SIN3B: variants seen among roughly 807,000 people sequenced by gnomAD.
The protein encoded by SIN3B is paired amphipathic helix protein Sin3b.
Under a neutral mutation model 120.2 loss-of-function variants are expected in SIN3B, and 19 were observed. That is an observed-to-expected ratio of 0.16 (90% confidence interval 0.11 to 0.23). The LOEUF is 0.23. Ranked by LOEUF, SIN3B falls within the 10% of genes least tolerant of loss-of-function variation. The pLI is 1.00. For synonymous variants in SIN3B, 654 were observed against 653.2 expected, an observed-to-expected ratio of 1.00 and a Z score of -0.02; for missense variants, 1,073 against 1,573.0, an observed-to-expected ratio of 0.68 and a Z score of 5.38.
At chr19:16,863,843 C>T (rs1433054966) in intron 10 of SIN3B, 47 bp downstream of exon 10, 2 of 1,356,574 alleles carry the variant, frequency 1.5e-6, no homozygotes, top group East Asian at 2.3e-5. Context: ...GCCTGTTCCC[C>T]TTCTCCATGG....
chr19:16,869,665 A>C lies in SIN3B; in HGVS notation c.2012A>C (p.Gln671Pro). ...GTGCCCAGCCTCTTCTTCTCTCAGC[A>C]GCTGGACCTGGGCGCCTCCGAGGAG... ...QFVPSLFFSQ[Q>P]LDLGASEESA... Residue 671 changes from glutamine (Q) to proline (P), a missense_variant, in exon 13 of 19, where the codon CAG becomes CCG. Physicochemically the swap from Gln to Pro is moderately conservative, Grantham distance 76. Around this residue, in one of 7 missense-constraint regions of SIN3B, gnomAD observed 169 missense variants for 207.3 expected, o/e 0.82. Transcript: ENST00000248054. The C allele has an allele frequency of 6.2e-7, 1 of 1,613,620 alleles. No individual in the cohort carries two copies. The highest frequency in any genetic ancestry group is 8.5e-7 in the Non-Finnish European group (1 of 1,180,012).
At chr19:16,837,249 T>C (rs1463156737) in intron 3 of SIN3B, among the ~76,000 whole-genome samples, 1 of 151,678 alleles carries the variant, frequency 6.6e-6, no homozygotes, top group East Asian at 2.0e-4. Context: ...TGAGAACCAC[T>C]GGATGGTTCT....
At chr19:16,848,313 T>C (rs1971503667) in intron 5 of SIN3B, among the ~76,000 whole-genome samples, 1 of 152,186 alleles carries the variant, frequency 6.6e-6, no homozygotes, top group African/African-American at 2.4e-5. Context: ...TTTTGACTTT[T>C]TGAAGAGCCT....
At chr19:16,838,708 G>C (rs1971378908) in intron 3 of SIN3B, among the ~76,000 whole-genome samples, 1 of 152,014 alleles carries the variant, frequency 6.6e-6, no homozygotes. Flanking sequence ...GTCTCGCTCT[G>C]TCGCCCAGGC....
At chr19:16,853,335 G>C (rs1004941674) in intron 7 of SIN3B, among the ~76,000 whole-genome samples, 177 bp downstream of exon 7, 3 of 152,210 alleles carry the variant, frequency 2.0e-5, no homozygotes, top group Non-Finnish European at 4.4e-5. Context: ...GGGCCTCCTT[G>C]GAGCCCAGGC....
chr19:16,848,612 C>A (rs959156810), intron 5 of SIN3B, among the ~76,000 whole-genome samples: 2 of 152,132 alleles, frequency 1.3e-5, no homozygotes, highest in Non-Finnish European at 2.9e-5. Flanking sequence ...GGTGATCCTC[C>A]CACCTCAGCC....
At chr19:16,844,357 A>T (rs1348744474) in intron 4 of SIN3B, 2 of 152,262 alleles carry the variant, frequency 1.3e-5, no homozygotes, top group Non-Finnish European at 2.9e-5. Context: ...GCTTTCCTTC[A>T]GACTTTCTCT....
In SIN3B at chr19:16,876,277, A is replaced by C; in HGVS notation, c.2766+49A>C. 1 of 1,573,842 alleles carries C rather than the reference A, an allele frequency of 6.4e-7. No homozygotes were observed. Among genetic ancestry groups the C allele is most frequent in the Non-Finnish European group, 8.6e-7 (1 of 1,156,888 alleles). ...AACACGCCGGGAGGCCCGGCCGCTC[A>C]CTCCGCTCTGGACTCAGTCCTGGGT... On this transcript the variant is annotated intron_variant, in intron 15 of 18. Coordinates refer to ENST00000248054, the MANE Select transcript of SIN3B (RefSeq NM_001297595.2). The surrounding 1 kb of genome is among the most constrained non-coding windows in gnomAD (Gnocchi z 7.1).
chr19:16,864,471 A>C (rs1476191240), intron 10 of SIN3B, among the ~76,000 whole-genome samples: 1 of 147,492 alleles, frequency 6.8e-6, no homozygotes, highest in Non-Finnish European at 1.5e-5. Context: ...TGGAACCACA[A>C]GTCCATACTA....
intron 13 of SIN3B, among the ~76,000 whole-genome samples, chr19:16,870,492 C>G (rs2051496585): frequency 6.6e-6 from 1 of 151,774 alleles, no homozygotes; most frequent in Non-Finnish European, 1.5e-5. Flanking sequence ...TCAAGTGATT[C>G]TCCTGCCTTA....
chr19:16,870,271 C>T (rs2051492948), intron 13 of SIN3B, among the ~76,000 whole-genome samples, 196 bp downstream of exon 13: 1 of 152,238 alleles, frequency 6.6e-6, no homozygotes, highest in Non-Finnish European at 1.5e-5. Context: ...CCCAGGCTCC[C>T]CTGGCCGTGG....
chr19:16,855,433 A>G (rs1239194958), intron 8 of SIN3B: 1 of 143,140 alleles, frequency 7.0e-6, no homozygotes, highest in African/African-American at 2.6e-5. Context: ...TAAAAATTCT[A>G]ACACTTGGGC....
chr19:16,837,648 C>T (rs772135075), intron 3 of SIN3B, among the ~76,000 whole-genome samples: 13 of 150,994 alleles, frequency 8.6e-5, no homozygotes, highest in Admixed American at 1.3e-4. Context: ...GTGATGGGGA[C>T]GGAGTGGACA....
At chr19:16,837,189 C>T (rs184127744) in intron 3 of SIN3B, among the ~76,000 whole-genome samples, 57 of 151,870 alleles carry the variant, frequency 3.8e-4, no homozygotes, top group African/African-American at 1.3e-3. Flanking sequence ...CCAAGGAGAA[C>T]GGCAGGGTCA....
intron 5 of SIN3B, among the ~76,000 whole-genome samples, chr19:16,848,980 CTCAG>C (rs1483735107): frequency 6.6e-6 from 1 of 152,222 alleles, no homozygotes; most frequent in Non-Finnish European, 1.5e-5. Context: ...ACCCGGCTAG[CTCAG>C]TCAGTAGAGC....
At chr19:16,853,468 G>A (rs970956943) in intron 7 of SIN3B, among the ~76,000 whole-genome samples, 3 of 152,234 alleles carry the variant, frequency 2.0e-5, no homozygotes, top group East Asian at 3.8e-4. Context: ...TAGGGTTCCC[G>A]CCCAGGGTCT....
intron 14 of SIN3B, among the ~76,000 whole-genome samples, chr19:16,875,178 TGTTTG>T (rs1477200253): frequency 1.4e-5 from 2 of 142,470 alleles, no homozygotes; most frequent in African/African-American, 5.2e-5. Flanking sequence ...TGGTCTGGTC[TGTTTG>T]GTCTGGTCTG....
In SIN3B at chr19:16,866,441, A is replaced by G; in HGVS notation, c.1691A>G (p.Tyr564Cys). Residue 564 changes from tyrosine to cysteine, a missense_variant, in exon 12 of 19, where the codon TAT (tyrosine) becomes TGT (cysteine). By Grantham distance (194) the Tyr-to-Cys change is radical. Around this residue, in one of 7 missense-constraint regions of SIN3B, gnomAD observed 118 missense variants for 281.6 expected, o/e 0.42. Coordinates refer to ENST00000248054, the MANE Select transcript of SIN3B (RefSeq NM_001297595.2). Reference sequence around the variant, plus strand: ...TTCAACAAGATCTGGCGGGAGCAGTATGAGAAGGCGTACCTCAAGTCCCTT... The same window carrying G: ...TTCAACAAGATCTGGCGGGAGCAGTGTGAGAAGGCGTACCTCAAGTCCCTT... ...QGFNKIWREQ[Y>C]EKAYLKSLDH... is the part of the protein sequence containing the mutation. 1 of 1,613,766 alleles carries G rather than the reference A, an allele frequency of 6.2e-7. No homozygotes were observed. Among genetic ancestry groups the G allele is most frequent in the Non-Finnish European group, 8.5e-7 (1 of 1,180,002 alleles).
chr19:16,832,921 C>G (rs1359363877), intron 3 of SIN3B, among the ~76,000 whole-genome samples: 1 of 152,136 alleles, frequency 6.6e-6, no homozygotes, highest in Non-Finnish European at 1.5e-5. Context: ...TTTTCCACCT[C>G]AACACTATTT....
Sources: gnomAD v4.1 joint callset for allele counts (sites outside exome capture counted in the v4.1 genomes callset) on GRCh38, gnomAD v4.1.1 for gene constraint, gnomAD v4.1.1 regional missense constraint, Gnocchi (gnomAD v3.1) non-coding constraint, MANE v1.5 for transcripts, NCBI Gene and HGNC (gene_info 2026-07-23, HGNC 2026-07-21) for gene names.